The following IMMP2L variants were observed in gnomAD, a reference collection of about 807,000 sequenced individuals.
IMMP2L encodes mitochondrial inner membrane protease subunit 2.
A neutral mutation model predicts 19.3 loss-of-function variants in IMMP2L; 18 were observed. The observed-to-expected ratio is 0.93, with a 90% CI of 0.64 to 1.38. IMMP2L has a LOEUF of 1.38. Among genes scored for constraint, IMMP2L ranks in the 40% most tolerant of loss-of-function variants. The pLI is 0.00. For missense variants in IMMP2L, 233 were observed against 218.2 expected (o/e 1.07, Z -0.43); for synonymous variants, 76 against 73.0 (o/e 1.04, Z -0.21).
chr7:110,942,988 T>G (rs894736370), intron 4 of IMMP2L, among the ~76,000 whole-genome samples: 2 of 151,948 alleles, frequency 1.3e-5, no homozygotes, highest in African/African-American at 2.4e-5. Flanking sequence ...ACACAATCTC[T>G]GAAATGAAGA....
chr7:110,982,131 T>C (rs940428587), intron 3 of IMMP2L, among the ~76,000 whole-genome samples: 3 of 152,184 alleles, frequency 2.0e-5, no homozygotes, highest in African/African-American at 4.8e-5. Flanking sequence ...ATGCATCTGA[T>C]TTCAGGTTCT....
intron 3 of IMMP2L, among the ~76,000 whole-genome samples, chr7:111,021,692 G>T (rs1228272692): frequency 6.6e-6 from 1 of 152,172 alleles, no homozygotes; most frequent in Non-Finnish European, 1.5e-5. Flanking sequence ...AGGCCAGCCG[G>T]GCCAACATGG....
chr7:111,081,278 A>G (rs1312973557), intron 3 of IMMP2L, among the ~76,000 whole-genome samples: 2 of 152,256 alleles, frequency 1.3e-5, no homozygotes, highest in East Asian at 3.8e-4. Context: ...GAGACTGCCA[A>G]TATATTTAAG....
chr7:111,445,795 C>A (rs997784981), intron 3 of IMMP2L, among the ~76,000 whole-genome samples: 1 of 152,132 alleles, frequency 6.6e-6, no homozygotes, highest in Non-Finnish European at 1.5e-5. Flanking sequence ...ATCTGAGGTA[C>A]CGGGTTCATC....
chr7:111,485,125 A>C (rs1842521096), intron 3 of IMMP2L, among the ~76,000 whole-genome samples: 2 of 152,160 alleles, frequency 1.3e-5, no homozygotes. Flanking sequence ...AGAAGAATTT[A>C]GCATCAGATT....
intron 5 of IMMP2L, among the ~76,000 whole-genome samples, chr7:110,767,198 C>T (rs1269942588): frequency 6.6e-6 from 1 of 152,028 alleles, no homozygotes; most frequent in East Asian, 1.9e-4. Flanking sequence ...GACAGACTTG[C>T]CCAAAGATAA....
At chr7:110,822,032 C>T (rs1477055522) in intron 5 of IMMP2L, among the ~76,000 whole-genome samples, 1 of 152,086 alleles carries the variant, frequency 6.6e-6, no homozygotes, top group Non-Finnish European at 1.5e-5. Context: ...TTAGCACTCT[C>T]CAATCTTTTC....
chr7:111,297,514 TA>T (rs1821759441), intron 3 of IMMP2L, among the ~76,000 whole-genome samples: 1 of 152,122 alleles, frequency 6.6e-6, no homozygotes, highest in Admixed American at 6.6e-5. Context: ...GTTTTAGAAA[TA>T]AAGTTATTAT....
In IMMP2L at chr7:111,491,931, CA is replaced by C. The variant is rs1408568546; in HGVS notation, c.136-4591del. ...TTTTCTTGCCATAATAGTGAAGGAA[CA>C]AAAGGTGATTTAATTATTTCTGACT... On this transcript the variant is annotated intron_variant, in intron 2 of 5. Transcript: ENST00000405709. 2.6e-5 allele frequency among the ~76,000 whole-genome samples: 4 copies of C among 151,276 alleles called. No individual in the cohort carries two copies. In the East Asian group the frequency reaches 7.8e-4, roughly 29 times the overall value.
intron 3 of IMMP2L, among the ~76,000 whole-genome samples, chr7:111,020,887 G>A (rs1215714579): frequency 6.6e-6 from 1 of 152,140 alleles, no homozygotes. Context: ...AAATATTTCA[G>A]TGACTCATAT....
rs1214954019 is a variant in IMMP2L at position 111,038,143 on chromosome 7, CTAACT to C, written c.240-74583_240-74579del. Among the ~76,000 whole-genome samples the C allele has an allele frequency of 2.6e-5, 4 of 152,190 alleles. No individual in the cohort carries two copies. In the East Asian group the frequency reaches 5.8e-4, roughly 22 times the overall value. ...TCAATAGTAGGTACAGCAGCATATC[CTAACT>C]TAAGAGGAGAGCCTGTGGCCACCTA... is the stretch of plus-strand genomic sequence containing the variant. On this transcript the variant is annotated intron_variant, in intron 3 of 5. Transcript: ENST00000405709.
chr7:110,999,746 G>T (rs1823457370), intron 3 of IMMP2L, among the ~76,000 whole-genome samples: 1 of 152,022 alleles, frequency 6.6e-6, no homozygotes, highest in South Asian at 2.1e-4. Flanking sequence ...ATCACTGGTG[G>T]TCCATTCATA....
At chr7:111,520,157 T>C (rs1332529113) in intron 2 of IMMP2L, among the ~76,000 whole-genome samples, 1 of 152,168 alleles carries the variant, frequency 6.6e-6, no homozygotes, top group African/African-American at 2.4e-5. Flanking sequence ...CATATGCCTA[T>C]AAATCTTTCT....
Position 111,038,594 on chromosome 7 carries a change from T to C in IMMP2L, c.240-75029A>G, listed in dbSNP as rs190538359. Among the ~76,000 whole-genome samples the C allele has an allele frequency of 2.4e-3, 371 of 152,272 alleles. 1 individual carries two copies. Among genetic ancestry groups the C allele is most frequent in the Middle Eastern group, 0.02 (6 of 294 alleles). On this transcript the variant is annotated intron_variant, in intron 3 of 5. Coordinates refer to ENST00000405709, the MANE Select transcript of IMMP2L (RefSeq NM_032549.4). ...AATGTAAAGAGGTGAAGAGGAGTTC[T>C]GGTTTGTTCAGTAAAACAGACCCTT... is the stretch of plus-strand genomic sequence containing the variant.
At chr7:111,361,386 G>A (rs1829247821) in intron 3 of IMMP2L, among the ~76,000 whole-genome samples, 2 of 152,102 alleles carry the variant, frequency 1.3e-5, no homozygotes, top group Non-Finnish European at 2.9e-5. Flanking sequence ...GGATTATAGA[G>A]AGTAATTTAT....
rs192386216 is a variant in IMMP2L at position 110,664,506 on chromosome 7, G to T, written c.409-785C>A. ...TGGCGAGGATGGAAGAGGAGGTGAG[G>T]GGGAGGACTTAAGGCTGAGCCCAAA... On this transcript the variant is annotated intron_variant, in intron 5 of 5. Transcript: ENST00000405709. 2.7e-3 allele frequency among the ~76,000 whole-genome samples: 404 copies of T among 152,232 alleles called. 1 individual carries two copies. Among genetic ancestry groups the T allele is most frequent in the Non-Finnish European group, 3.9e-3 (266 of 68,014 alleles).
At chr7:110,814,558 G>A (rs1802315954) in intron 5 of IMMP2L, among the ~76,000 whole-genome samples, 1 of 150,814 alleles carries the variant, frequency 6.6e-6, no homozygotes, top group Non-Finnish European at 1.5e-5. Context: ...TGGCTGTTAA[G>A]TATATGCTTC....
At chr7:111,185,405 A>G (rs1301004627) in intron 3 of IMMP2L, among the ~76,000 whole-genome samples, 1 of 152,144 alleles carries the variant, frequency 6.6e-6, no homozygotes, top group Non-Finnish European at 1.5e-5. Context: ...GAATATGTTC[A>G]TTGCATTTAG....
intron 5 of IMMP2L, among the ~76,000 whole-genome samples, chr7:110,795,898 G>C (rs573264917): frequency 6.6e-6 from 1 of 152,034 alleles, no homozygotes; most frequent in African/African-American, 2.4e-5. Flanking sequence ...GATAGGTGGT[G>C]ATATGGTTTG....
Sources: gnomAD v4.1 joint callset for allele counts (sites outside exome capture counted in the v4.1 genomes callset) on GRCh38, gnomAD v4.1.1 for gene constraint, MANE v1.5 for transcripts, NCBI Gene and HGNC (gene_info 2026-07-23, HGNC 2026-07-21) for gene names.